NCOA3: variants seen among roughly 807,000 people sequenced by gnomAD.
NCOA3 encodes nuclear receptor coactivator 3.
In NCOA3, 51 loss-of-function variants were observed where a neutral mutation model predicts 158.8. That is an observed-to-expected ratio of 0.32 (90% CI 0.26 to 0.41). The LOEUF is 0.41. Ranked by LOEUF, NCOA3 falls within the 10% of genes least tolerant of loss-of-function variation. The pLI is 1.00. For synonymous variants in NCOA3, 537 were observed against 592.4 expected (o/e 0.91, Z 1.36); for missense variants, 1,510 against 1,746.6 (o/e 0.86, Z 2.41).
intron 1 of NCOA3, among the ~76,000 whole-genome samples, chr20:47,549,582 G>T (rs1016505782): frequency 2.1e-5 from 3 of 142,016 alleles, no homozygotes; most frequent in African/African-American, 5.4e-5. Flanking sequence ...AAAAAAAAAA[G>T]TCTTCTGTAT....
chr20:47,623,934 G>A lies in NCOA3; in HGVS notation c.107G>A (p.Arg36Gln), dbSNP rs762389152. 6.1e-5 allele frequency: 98 copies of A among 1,613,052 alleles called. No individual in the cohort carries two copies. Among genetic ancestry groups the A allele is most frequent in the Non-Finnish European group, 1.1e-5 (13 of 1,179,848 alleles). ...AGTCTTACCTGCAGTGGTGAAAAAC[G>A]GAGACGGGAGCAGGAAAGTAAATAT... ...GQGLTCSGEK[R>Q]RREQESKYIE... Residue 36 changes from arginine (R) to glutamine (Q), a missense_variant, in exon 4 of 23, where the codon CGG (arginine) becomes CAG (glutamine). By Grantham distance (43) the Arg-to-Gln change is conservative. Coordinates refer to ENST00000371998, the MANE Select transcript of NCOA3 (RefSeq NM_181659.3).
chr20:47,625,303 C>T, intron 4 of NCOA3, 78 bp from the exon 5 acceptor site: 1 of 935,250 alleles, frequency 1.1e-6, no homozygotes, highest in Non-Finnish European at 1.7e-6. Flanking sequence ...CTTTATGTCT[C>T]TTCTGGGGAC....
intron 1 of NCOA3, among the ~76,000 whole-genome samples, chr20:47,574,850 G>T (rs879149599): frequency 1.3e-5 from 2 of 152,182 alleles, no homozygotes; most frequent in Non-Finnish European, 2.9e-5. Context: ...GGCATTAAAT[G>T]ATTTGCATAG....
At chr20:47,652,885 G>A (rs748183038) in intron 21 of NCOA3, 46 bp from the exon 22 acceptor site, 16 of 1,603,188 alleles carry the variant, frequency 1.0e-5, no homozygotes, top group Non-Finnish European at 9.4e-6. Context: ...GCCCTTTGTC[G>A]CTAAAGTGAC....
At chr20:47,640,174 C>T in intron 16 of NCOA3, 123 bp downstream of exon 16, 9 of 1,322,370 alleles carry the variant, frequency 6.8e-6, no homozygotes, top group Non-Finnish European at 9.5e-6. Flanking sequence ...ACTGGGTTGC[C>T]AGCTGGGCAT....
chr20:47,647,175 G>C lies in NCOA3; in HGVS notation c.3355G>C (p.Gly1119Arg). Residue 1119 changes from glycine (G) to arginine (R), a missense_variant, in exon 18 of 23, where the codon GGG becomes CGG. Coordinates refer to ENST00000371998, the MANE Select transcript of NCOA3 (RefSeq NM_181659.3). Reference protein sequence around the residue: ...GLYGQTYPAQGPPMQGGFHLQ... With the variant: ...GLYGQTYPAQRPPMQGGFHLQ... ...ATATGGACAGACATACCCAGCACAG[G>C]GGCCTCCAATGCAAGGAGGCTTTCA... 1.2e-6 allele frequency: 2 copies of C among 1,613,978 alleles called. No individual in the cohort carries two copies. The highest frequency in any genetic ancestry group is 1.7e-6 in the Non-Finnish European group (2 of 1,179,922).
chr20:47,543,190 T>TAGTGATC (rs1343713911), intron 1 of NCOA3, among the ~76,000 whole-genome samples: 5 of 152,258 alleles, frequency 3.3e-5, no homozygotes, highest in African/African-American at 1.2e-4. Context: ...GTCCTAAAGC[T>TAGTGATC]ACTGCCAGAG....
At chr20:47,518,385 T>C (rs905664500) in intron 1 of NCOA3, among the ~76,000 whole-genome samples, 1 of 149,354 alleles carries the variant, frequency 6.7e-6, no homozygotes, top group African/African-American at 2.5e-5. Context: ...AAAAGAAACA[T>C]AATTGAAAAA....
At chr20:47,600,110 T>TTGTGTGTGTGTG (rs11472351) in intron 2 of NCOA3, among the ~76,000 whole-genome samples, 1,657 of 143,040 alleles carry the variant, frequency 0.012, 27 homozygotes, top group African/African-American at 0.039. Flanking sequence ...CTCACTTCCT[T>TTGTGTGTGTGTG]TGTGTGTGTG....
At chr20:47,633,737 C>T (rs2086460884) in intron 9 of NCOA3, 101 bp downstream of exon 9, 1 of 1,320,808 alleles carries the variant, frequency 7.6e-7, no homozygotes, top group Non-Finnish European at 1.0e-6. Flanking sequence ...ATTTAATTGA[C>T]CCTTCTGCCT....
chr20:47,596,594 T>C (rs1040544563), intron 2 of NCOA3, among the ~76,000 whole-genome samples: 5 of 152,180 alleles, frequency 3.3e-5, no homozygotes, highest in African/African-American at 1.2e-4. Context: ...TTCTTTCTTT[T>C]TTTAAATTTT....
At chr20:47,506,520 G>T (rs2084033892) in intron 1 of NCOA3, among the ~76,000 whole-genome samples, 1 of 152,176 alleles carries the variant, frequency 6.6e-6, no homozygotes. Context: ...CATACTGCCA[G>T]TACCAAACTT....
At chr20:47,521,969 C>G (rs576919105) in intron 1 of NCOA3, among the ~76,000 whole-genome samples, 184 of 152,150 alleles carry the variant, frequency 1.2e-3, no homozygotes, top group Non-Finnish European at 2.3e-3. Context: ...ATCGGTTGAT[C>G]AATTTGGAGA....
At position 47,652,958 on chromosome 20, in the gene NCOA3, C is replaced by T; in HGVS notation, c.4149C>T (p.His1383=). 1 of 1,614,150 alleles carries T rather than the reference C, an allele frequency of 6.2e-7. No homozygotes were observed. Among genetic ancestry groups the T allele is most frequent in the Non-Finnish European group, 8.5e-7 (1 of 1,180,016 alleles). ...CCTTTTCCCAGCAGCAGTTTGCCCACCAGGGGAATCCTGCAGTGTATAGTA... is the reference window on the plus strand; with the variant it reads ...CCTTTTCCCAGCAGCAGTTTGCCCATCAGGGGAATCCTGCAGTGTATAGTA... ...NSSFSQQQFA[H]QGNPAVYSMV... is the part of the protein sequence containing the mutation. Residue 1383 remains histidine (H), a synonymous_variant, in exon 22 of 23, where the codon CAC becomes CAT. Transcript: ENST00000371998.
chr20:47,612,647 G>C (rs1197635337), intron 2 of NCOA3, among the ~76,000 whole-genome samples: 1 of 152,228 alleles, frequency 6.6e-6, no homozygotes, highest in Non-Finnish European at 1.5e-5. Flanking sequence ...GTAACAGGTT[G>C]TTTAAACTGA....
At chr20:47,552,518 A>G (rs758241052) in intron 1 of NCOA3, among the ~76,000 whole-genome samples, 4 of 152,164 alleles carry the variant, frequency 2.6e-5, no homozygotes, top group Non-Finnish European at 5.9e-5. Context: ...CCATATAAGA[A>G]CAGGATGATC....
chr20:47,533,446 C>T (rs1456990855), intron 1 of NCOA3, among the ~76,000 whole-genome samples: 4 of 151,836 alleles, frequency 2.6e-5, no homozygotes, highest in Admixed American at 6.6e-5. Flanking sequence ...TACTAGCAAC[C>T]GCATCATCCA....
intron 1 of NCOA3, among the ~76,000 whole-genome samples, chr20:47,511,700 C>T (rs911533810): frequency 2.0e-5 from 3 of 150,888 alleles, no homozygotes; most frequent in Non-Finnish European, 4.4e-5. Flanking sequence ...ACAGGCAGCA[C>T]TACCACGTGG....
At chr20:47,633,107 C>T (rs781460914) in intron 8 of NCOA3, among the ~76,000 whole-genome samples, 1 of 152,200 alleles carries the variant, frequency 6.6e-6, no homozygotes, top group Non-Finnish European at 1.5e-5. Context: ...TTCTGATTAT[C>T]AGCTCCATCC....
Sources: gnomAD v4.1 joint callset for allele counts (sites outside exome capture counted in the v4.1 genomes callset) on GRCh38, gnomAD v4.1.1 for gene constraint, MANE v1.5 for transcripts, NCBI Gene and HGNC (gene_info 2026-07-23, HGNC 2026-07-21) for gene names.